EIF4EBP2: variants seen among roughly 807,000 people sequenced by gnomAD.
EIF4EBP2 encodes eukaryotic translation initiation factor 4E-binding protein 2.
In EIF4EBP2, 5 loss-of-function variants were observed where a neutral mutation model predicts 10.3. That is an observed-to-expected ratio of 0.48 (90% CI 0.25 to 1.02). The LOEUF is 1.02. EIF4EBP2 is among the 50% of genes least tolerant of loss of function. The pLI, the probability that EIF4EBP2 is intolerant of heterozygous loss-of-function variation, is 0.15. For synonymous variants in EIF4EBP2, 67 were observed against 61.1 expected (o/e 1.10, Z -0.45); for missense variants, 188 against 162.2 (o/e 1.16, Z -0.86).
intron 1 of EIF4EBP2, among the ~76,000 whole-genome samples, chr10:70,406,708 C>T (rs957136359): frequency 1.3e-5 from 2 of 150,898 alleles, no homozygotes; most frequent in African/African-American, 5.0e-5. Flanking sequence ...GCCAGAAATA[C>T]TAATTCATTA....
intron 1 of EIF4EBP2, among the ~76,000 whole-genome samples, chr10:70,415,090 G>T (rs1845079851): frequency 6.6e-6 from 1 of 151,658 alleles, no homozygotes; most frequent in Non-Finnish European, 1.5e-5. Flanking sequence ...CCCAGGAGGT[G>T]TAGGTTGCAG....
chr10:70,406,924 G>T (rs185562401), intron 1 of EIF4EBP2, among the ~76,000 whole-genome samples: 1 of 152,158 alleles, frequency 6.6e-6, no homozygotes, highest in African/African-American at 2.4e-5. Flanking sequence ...TGGAGACGGA[G>T]TTTCGCTCTG....
intron 1 of EIF4EBP2, among the ~76,000 whole-genome samples, chr10:70,406,395 G>T (rs571686332): frequency 3.3e-5 from 5 of 152,328 alleles, no homozygotes; most frequent in African/African-American, 1.2e-4. Flanking sequence ...GTGATGGAAA[G>T]GGATTTATAA....
chr10:70,413,556 C>T (rs567310851), intron 1 of EIF4EBP2, among the ~76,000 whole-genome samples: 3 of 144,722 alleles, frequency 2.1e-5, no homozygotes, highest in Admixed American at 7.3e-5. Context: ...TGCAGTAAGC[C>T]GTGATCATGC....
rs898441546 is a variant in EIF4EBP2 at position 70,426,526 on chromosome 10, C to A, written c.*4779C>A. On this transcript the variant is annotated 3_prime_UTR_variant, in exon 3 of 3. Coordinates refer to ENST00000373218, the MANE Select transcript of EIF4EBP2 (RefSeq NM_004096.5). ...TCCTGGCCTCAAGTGATCCGCCCAC[C>A]TCAGCCTCCCAAAGTGCTGGGATTA... The A allele has an allele frequency of 6.6e-6, 1 of 152,258 alleles. No individual in the cohort carries two copies. Among genetic ancestry groups the A allele is most frequent in the Non-Finnish European group, 1.5e-5 (1 of 68,068 alleles). 9.4% of individuals were successfully genotyped at this position (152,258 alleles called of 1,614,324 possible).
chr10:70,423,550 G>T lies in EIF4EBP2; in HGVS notation c.*1803G>T, dbSNP rs2137234005. ...ACTGGTGTCCTGGGAATTTCTGGTTGGATTTGGTGCCCTGAACTTTTTTAT... is the reference window on the plus strand; with the variant it reads ...ACTGGTGTCCTGGGAATTTCTGGTTTGATTTGGTGCCCTGAACTTTTTTAT... On this transcript the variant is annotated 3_prime_UTR_variant, in exon 3 of 3. Coordinates refer to ENST00000373218, the MANE Select transcript of EIF4EBP2 (RefSeq NM_004096.5). The T allele has an allele frequency of 6.6e-6, 1 of 152,428 alleles. No individual in the cohort carries two copies. Among genetic ancestry groups the T allele is most frequent in the East Asian group, 1.9e-4 (1 of 5,194 alleles). 9.4% of individuals were successfully genotyped at this position (152,428 alleles called of 1,614,324 possible). A position where few individuals can be genotyped will look rare whatever the true frequency, so the allele number is the denominator to read the frequency against.
chr10:70,411,129 A>G (rs1845039664), intron 1 of EIF4EBP2, among the ~76,000 whole-genome samples: 1 of 152,176 alleles, frequency 6.6e-6, no homozygotes, highest in South Asian at 2.1e-4. Context: ...GATTAAATAT[A>G]TTCACCTTGT....
At chr10:70,416,435 C>G (rs1186912324) in intron 1 of EIF4EBP2, among the ~76,000 whole-genome samples, 1 of 151,856 alleles carries the variant, frequency 6.6e-6, no homozygotes, top group African/African-American at 2.4e-5. Context: ...AAAAATTAGC[C>G]GGGCATGGTA....
intron 1 of EIF4EBP2, among the ~76,000 whole-genome samples, chr10:70,407,399 C>T (rs1365021186): frequency 6.6e-6 from 1 of 151,966 alleles, no homozygotes; most frequent in Non-Finnish European, 1.5e-5. Flanking sequence ...TGAGTGGACA[C>T]AGCACATGTT....
At chr10:70,415,145 A>G (rs545276182) in intron 1 of EIF4EBP2, among the ~76,000 whole-genome samples, 2 of 151,596 alleles carry the variant, frequency 1.3e-5, no homozygotes, top group Non-Finnish European at 2.9e-5. Context: ...ACGACAGAGC[A>G]AGACCCTCTC....
chr10:70,411,998 G>A (rs760714087), intron 1 of EIF4EBP2, among the ~76,000 whole-genome samples: 15 of 152,142 alleles, frequency 9.9e-5, no homozygotes, highest in Non-Finnish European at 1.9e-4. Flanking sequence ...CTTGCTTGCT[G>A]CCAGATTCCC....
At chr10:70,406,062 C>G (rs909403046) in intron 1 of EIF4EBP2, among the ~76,000 whole-genome samples, 4 of 152,130 alleles carry the variant, frequency 2.6e-5, no homozygotes, top group Admixed American at 2.0e-4. Flanking sequence ...GCTCACTGCA[C>G]TCTCTACTTC....
intron 1 of EIF4EBP2, among the ~76,000 whole-genome samples, chr10:70,407,163 G>C (rs1844975103): frequency 2.0e-5 from 3 of 150,620 alleles, no homozygotes; most frequent in Admixed American, 2.0e-4. Flanking sequence ...TTCTCGCAGA[G>C]GGGGATTTGG....
intron 1 of EIF4EBP2, among the ~76,000 whole-genome samples, chr10:70,417,984 A>T (rs990447481): frequency 4.6e-5 from 7 of 152,204 alleles, no homozygotes; most frequent in Admixed American, 1.3e-4. Context: ...AGAAACACCA[A>T]GTTAGAAAGG....
chr10:70,426,140 A>C lies in EIF4EBP2; in HGVS notation c.*4393A>C, dbSNP rs536677171. ...GTGTTCATGCTAAAGACAAACTTAC[A>C]TGAAGTTTTTCAGTTTAAGACATTC... On this transcript the variant is annotated 3_prime_UTR_variant, in exon 3 of 3. Coordinates refer to ENST00000373218, the MANE Select transcript of EIF4EBP2 (RefSeq NM_004096.5). 6.6e-6 allele frequency: 1 copy of C among 152,226 alleles called. No individual in the cohort carries two copies. Among genetic ancestry groups the C allele is most frequent in the Non-Finnish European group, 1.5e-5 (1 of 68,046 alleles). 9.4% of individuals were successfully genotyped at this position (152,226 alleles called of 1,614,324 possible).
chr10:70,412,777 C>T (rs1845059209), intron 1 of EIF4EBP2, among the ~76,000 whole-genome samples: 1 of 152,028 alleles, frequency 6.6e-6, no homozygotes, highest in African/African-American at 2.4e-5. Context: ...TCTAGAAAGT[C>T]CTGGATGAAA....
intron 1 of EIF4EBP2, among the ~76,000 whole-genome samples, chr10:70,416,092 G>A (rs959144008): frequency 6.6e-6 from 1 of 152,156 alleles, no homozygotes; most frequent in Admixed American, 6.5e-5. Context: ...TTCAAAAGAA[G>A]ATATGTGGTG....
chr10:70,413,789 T>C (rs1050240997), intron 1 of EIF4EBP2, among the ~76,000 whole-genome samples: 1 of 152,208 alleles, frequency 6.6e-6, no homozygotes, highest in Non-Finnish European at 1.5e-5. Flanking sequence ...AGCATGATTA[T>C]TTTCATAGAG....
intron 1 of EIF4EBP2, among the ~76,000 whole-genome samples, chr10:70,409,574 C>T (rs562321633): frequency 2.6e-4 from 39 of 152,210 alleles, no homozygotes; most frequent in African/African-American, 9.4e-4. Context: ...CCAGTTTTTT[C>T]CTCTACTGTT....
Sources: gnomAD v4.1 joint callset for allele counts (sites outside exome capture counted in the v4.1 genomes callset) on GRCh38, gnomAD v4.1.1 for gene constraint, MANE v1.5 for transcripts, NCBI Gene and HGNC (gene_info 2026-07-23, HGNC 2026-07-21) for gene names.